Variants in FRMD5 observed in about 807,000 individuals in gnomAD.
FRMD5 encodes FERM domain-containing protein 5.
Under a neutral mutation model 69.0 loss-of-function variants are expected in FRMD5, and 20 were observed. The ratio of observed to expected loss-of-function variants is 0.29; its 90% CI spans 0.20 to 0.42. FRMD5 has a LOEUF of 0.42. Among genes scored for constraint, FRMD5 ranks in the 10% least tolerant of loss-of-function variants. The pLI, the probability that FRMD5 is intolerant of heterozygous loss-of-function variation, is 1.00. For missense variants in FRMD5, 595 were observed against 708.6 expected, an observed-to-expected ratio of 0.84 and a Z score of 1.82; for synonymous variants, 271 against 260.1, an observed-to-expected ratio of 1.04 and a Z score of -0.40.
At chr15:44,192,908 G>A (rs983129588) in intron 1 of FRMD5, among the ~76,000 whole-genome samples, 2 of 152,082 alleles carry the variant, frequency 1.3e-5, no homozygotes, top group African/African-American at 4.8e-5. Flanking sequence ...AATTTTTTAG[G>A]TGGCCTAGAT....
chr15:44,043,091 A>T (rs1892271320), intron 1 of FRMD5, among the ~76,000 whole-genome samples: 2 of 152,244 alleles, frequency 1.3e-5, no homozygotes, highest in Non-Finnish European at 2.9e-5. Flanking sequence ...CTCAGGATAA[A>T]AAATTAATGT....
chr15:44,167,968 T>G (rs1000110446), intron 1 of FRMD5, among the ~76,000 whole-genome samples: 10 of 152,226 alleles, frequency 6.6e-5, no homozygotes, highest in African/African-American at 2.4e-4. Flanking sequence ...ATCGCTCCTA[T>G]TTGTTCTGTT....
At chr15:44,092,730 A>C (rs1366038490) in intron 1 of FRMD5, among the ~76,000 whole-genome samples, 6 of 151,986 alleles carry the variant, frequency 3.9e-5, no homozygotes, top group Admixed American at 3.9e-4. Context: ...TGACTTCTGC[A>C]CCCAGAATCC....
At chr15:44,094,996 G>A (rs1444664100) in intron 1 of FRMD5, among the ~76,000 whole-genome samples, 3 of 151,870 alleles carry the variant, frequency 2.0e-5, no homozygotes, top group African/African-American at 7.3e-5. Flanking sequence ...GACCCCTAGG[G>A]AGCCAGCCGA....
In FRMD5 at chr15:43,909,703, C is replaced by A. The variant is rs369454510; in HGVS notation, c.427+179G>T. On this transcript the variant is annotated intron_variant, in intron 5 of 13. Coordinates refer to ENST00000417257, the MANE Select transcript of FRMD5 (RefSeq NM_032892.5). Reference sequence around the variant, plus strand: ...CCATGTTGGCCAGTCTGGTCTCGAACTCCTAACCTCAGGTGATCTGCCCAC... The same window carrying A: ...CCATGTTGGCCAGTCTGGTCTCGAAATCCTAACCTCAGGTGATCTGCCCAC... Among the ~76,000 whole-genome samples, 10 of 152,296 alleles carry A rather than the reference C, an allele frequency of 6.6e-5. No individual in the cohort carries two copies. In the East Asian group the frequency reaches 1.2e-3, roughly 18 times the overall value.
At chr15:44,136,087 T>A (rs1225336050) in intron 1 of FRMD5, among the ~76,000 whole-genome samples, 1 of 152,104 alleles carries the variant, frequency 6.6e-6, no homozygotes. Context: ...AGTGGCGCCA[T>A]CTTGGCTCAC....
At chr15:44,089,441 C>T (rs1894343353) in intron 1 of FRMD5, among the ~76,000 whole-genome samples, 2 of 151,992 alleles carry the variant, frequency 1.3e-5, no homozygotes. Flanking sequence ...TGGTGGTCCC[C>T]GCCTGTAATC....
chr15:44,114,872 T>C (rs923859579), intron 1 of FRMD5, among the ~76,000 whole-genome samples: 1 of 152,134 alleles, frequency 6.6e-6, no homozygotes, highest in African/African-American at 2.4e-5. Context: ...TGACGAAGAC[T>C]GTGGCCAACT....
intron 1 of FRMD5, among the ~76,000 whole-genome samples, chr15:44,182,708 T>C (rs2256928): frequency 0.19 from 29,622 of 152,204 alleles, 3,553 homozygotes; most frequent in African/African-American, 0.33. Context: ...TTAAGCCCCT[T>C]GGTGACACCT....
rs1394755254 is a variant in FRMD5 at position 44,100,146 on chromosome 15, C to T, written c.102+94807G>A. Among the ~76,000 whole-genome samples the T allele has an allele frequency of 2.6e-5, 4 of 151,150 alleles. No homozygotes were observed. In the South Asian group the frequency reaches 6.3e-4, roughly 24 times the overall value. ...TCGACTCACTGCAGCTTCCACCTCC[C>T]GGGTTCAAGTGATTCTCCTGTCTCA... On this transcript the variant is annotated intron_variant, in intron 1 of 13. Transcript: ENST00000417257.
chr15:43,946,511 T>C (rs1371777206), intron 1 of FRMD5, among the ~76,000 whole-genome samples: 1 of 152,186 alleles, frequency 6.6e-6, no homozygotes, highest in East Asian at 1.9e-4. Context: ...TACTGTTCAT[T>C]CTCTTTCCAC....
intron 1 of FRMD5, among the ~76,000 whole-genome samples, chr15:44,117,991 C>CTTTTTTTTTTTTTTTTTTTT (rs747747488): frequency 1.6e-4 from 15 of 92,656 alleles, no homozygotes; most frequent in African/African-American, 6.0e-4. Flanking sequence ...TTCTTTTTTA[C>CTTTTTTTTTTTTTTTTTTTT]TTTTTTTTTT....
At chr15:44,183,345 A>G (rs2078043090) in intron 1 of FRMD5, among the ~76,000 whole-genome samples, 1 of 152,186 alleles carries the variant, frequency 6.6e-6, no homozygotes, top group Admixed American at 6.5e-5. Context: ...AGGATTTTTA[A>G]AAGATAAAAT....
intron 1 of FRMD5, among the ~76,000 whole-genome samples, chr15:44,045,961 T>C (rs1892409527): frequency 6.6e-6 from 1 of 152,194 alleles, no homozygotes; most frequent in Non-Finnish European, 1.5e-5. Context: ...CTGTTTCTTC[T>C]GACCTACAGT....
intron 1 of FRMD5, among the ~76,000 whole-genome samples, chr15:43,960,921 G>C (rs1159207675): frequency 6.6e-6 from 1 of 152,084 alleles, no homozygotes; most frequent in Non-Finnish European, 1.5e-5. Flanking sequence ...TAGAACTGTG[G>C]CTTTAAAAGC....
chr15:43,878,920 T>TTTTTTTCTTTTC (rs1298299534), intron 13 of FRMD5, among the ~76,000 whole-genome samples: 8 of 150,072 alleles, frequency 5.3e-5, no homozygotes, highest in Admixed American at 5.3e-4. Flanking sequence ...CATTTCTTTT[T>TTTTTTTCTTTTC]TTTTTTCTTT....
At chr15:44,038,597 C>T (rs1892034057) in intron 1 of FRMD5, among the ~76,000 whole-genome samples, 1 of 136,732 alleles carries the variant, frequency 7.3e-6, no homozygotes, top group African/African-American at 2.7e-5. Flanking sequence ...CAGTCTGCAG[C>T]TCCCAGCAAG....
At chr15:44,090,022 C>G (rs889573023) in intron 1 of FRMD5, among the ~76,000 whole-genome samples, 1 of 152,164 alleles carries the variant, frequency 6.6e-6, no homozygotes. Flanking sequence ...TGCACACACA[C>G]GTGCATGCAT....
intron 1 of FRMD5, among the ~76,000 whole-genome samples, chr15:44,001,369 T>G (rs777590908): frequency 1.4e-4 from 21 of 152,236 alleles, no homozygotes; most frequent in Non-Finnish European, 2.8e-4. Context: ...CTTTTTCATT[T>G]TGTTGATGGT....
Sources: allele counts gnomAD v4.1 joint callset (sites outside exome capture counted in the v4.1 genomes callset), GRCh38; gene constraint gnomAD v4.1.1; transcripts MANE v1.5; gene names NCBI Gene and HGNC (gene_info 2026-07-23, HGNC 2026-07-21).